Variants in PCDHA4 observed in about 807,000 individuals in gnomAD.
PCDHA4 encodes the protein protocadherin alpha 4, also known as protocadherin alpha-4.
PCDHA4 carries 49 observed loss-of-function variants against 61.4 expected under a neutral mutation model. That is an observed-to-expected ratio of 0.80 (90% CI 0.63 to 1.01). The LOEUF (loss-of-function observed/expected upper bound fraction) is 1.01, where lower values mean the gene tolerates loss of function less well. Among genes scored for constraint, PCDHA4 ranks in the 50% least tolerant of loss-of-function variants. The pLI is 0.00. For missense variants in PCDHA4, 1,254 were observed against 1,235.8 expected (o/e 1.01, Z -0.22); for synonymous variants, 590 against 550.3 (o/e 1.07, Z -1.01).
rs1554231789 is a variant in PCDHA4 at position 140,969,430 on chromosome 5, A to G, written c.2386-9519A>G. ...CTTTATTGAGTCATTAACAGTGACAAGAGTTATCTGGTAAACTGAGTATAT... is the reference window on the plus strand; with the variant it reads ...CTTTATTGAGTCATTAACAGTGACAGGAGTTATCTGGTAAACTGAGTATAT... On this transcript the variant is annotated intron_variant, in intron 1 of 3. Transcript: ENST00000530339. The G allele has an allele frequency of 1.2e-5, 19 of 1,554,588 alleles. 1 individual carries two copies. The Admixed American group carries it at 3.5e-4, about 29-fold the overall frequency.
At chr5:140,841,736 A>G in intron 1 of PCDHA4, 1 of 1,613,716 alleles carries the variant, frequency 6.2e-7, no homozygotes, top group Non-Finnish European at 8.5e-7. Context: ...AAAAGACCAA[A>G]AGCTGTTTGT....
At chr5:140,912,010 G>A (rs1208180595) in intron 1 of PCDHA4, among the ~76,000 whole-genome samples, 1 of 152,202 alleles carries the variant, frequency 6.6e-6, no homozygotes. Flanking sequence ...CCATCTGCAA[G>A]CTGAGGAGCA....
At chr5:140,964,009 A>G (rs1435043905) in intron 1 of PCDHA4, among the ~76,000 whole-genome samples, 1 of 152,160 alleles carries the variant, frequency 6.6e-6, no homozygotes, top group Non-Finnish European at 1.5e-5. Context: ...CTACTTTTTA[A>G]TAGAGAGCTC....
rs552289184 is a variant in PCDHA4, at chr5:140,942,884, T to C, written c.2386-36065T>C. 7.9e-5 allele frequency among the ~76,000 whole-genome samples: 12 copies of C among 152,178 alleles called. No individual in the cohort carries two copies. In the East Asian group the frequency reaches 2.3e-3, roughly 29 times the overall value. ...TGCTTTAGCATGACAACTTTTTTCC[T>C]AAAATTTATCTCTAAGAATAAGCGT... On this transcript the variant is annotated intron_variant, in intron 1 of 3. Transcript: ENST00000530339.
rs147440301 is a variant in PCDHA4, at chr5:140,924,523, G to A, written c.2386-54426G>A. On this transcript the variant is annotated intron_variant, in intron 1 of 3. Transcript: ENST00000530339. ...AATCCCACTCTTAGTGTTAAAAAGA[G>A]AATGCCCGAGCTACCCCTCTCCCCA... is the stretch of plus-strand genomic sequence containing the variant. Among the ~76,000 whole-genome samples, 1,224 of 152,202 alleles carry A rather than the reference G, an allele frequency of 8.0e-3. 6 individuals carry two copies. The highest frequency in any genetic ancestry group is 0.019 in the African/African-American group (791 of 41,530).
intron 1 of PCDHA4, chr5:140,815,377 T>C (rs1765709117): frequency 6.6e-6 from 1 of 152,104 alleles, no homozygotes; most frequent in South Asian, 2.1e-4. Flanking sequence ...TCTTTGTGGT[T>C]ACCATGGGGC....
At chr5:140,913,857 T>C (rs1374392004) in intron 1 of PCDHA4, among the ~76,000 whole-genome samples, 3 of 152,208 alleles carry the variant, frequency 2.0e-5, no homozygotes, top group Admixed American at 6.5e-5. Context: ...CAGGAGCATA[T>C]TGTTTAATTT....
chr5:140,993,934 C>T (rs936977793), intron 3 of PCDHA4, among the ~76,000 whole-genome samples: 5 of 152,044 alleles, frequency 3.3e-5, no homozygotes, highest in African/African-American at 1.2e-4. Context: ...AGAACATATC[C>T]CCATTGTTAA....
intron 3 of PCDHA4, among the ~76,000 whole-genome samples, chr5:140,987,478 T>A (rs2097255782): frequency 6.6e-6 from 1 of 152,104 alleles, no homozygotes. Flanking sequence ...AGCTTGGGAG[T>A]CAGTGACCCT....
At chr5:140,889,144 A>G (rs2062119546) in intron 1 of PCDHA4, among the ~76,000 whole-genome samples, 1 of 151,794 alleles carries the variant, frequency 6.6e-6, no homozygotes, top group African/African-American at 2.4e-5. Flanking sequence ...TTTTCTTCCT[A>G]ATTTCTTCTT....
In PCDHA4 at chr5:140,849,585, C is replaced by A. The variant is rs147876741; in HGVS notation, c.2385+40013C>A. 8 of 1,598,624 alleles carry A rather than the reference C, an allele frequency of 5.0e-6. No homozygotes were observed. Among genetic ancestry groups the A allele is most frequent in the Admixed American group, 3.4e-5 (2 of 59,262 alleles). ...CTCGGTTCCTGTAAAAGAGGACGCA[C>A]AACTGGGGACAGTTATTGCCCTGAT... is the stretch of plus-strand genomic sequence containing the variant. On this transcript the variant is annotated intron_variant, in intron 1 of 3. Transcript: ENST00000530339.
intron 1 of PCDHA4, among the ~76,000 whole-genome samples, chr5:140,905,490 T>C (rs1256863992): frequency 1.3e-5 from 2 of 152,224 alleles, no homozygotes; most frequent in African/African-American, 4.8e-5. Context: ...TTTCTTCTTT[T>C]TGTTTTGTAT....
chr5:140,822,930 C>T, intron 1 of PCDHA4: 10 of 1,614,266 alleles, frequency 6.2e-6, no homozygotes, highest in Non-Finnish European at 7.6e-6. Flanking sequence ...GGCAGGTGAC[C>T]TGCTCCCTAA....
At chr5:140,841,755 C>A (rs2150322270) in intron 1 of PCDHA4, 2 of 1,613,886 alleles carry the variant, frequency 1.2e-6, no homozygotes, top group South Asian at 2.2e-5. Context: ...GTTTCAGAAT[C>A]CAGAATGCCA....
chr5:140,918,072 T>C (rs1271495774), intron 1 of PCDHA4, among the ~76,000 whole-genome samples: 1 of 152,142 alleles, frequency 6.6e-6, no homozygotes, highest in Non-Finnish European at 1.5e-5. Flanking sequence ...TTTCTTTCAG[T>C]AGTGTTTTAT....
At chr5:140,966,642 G>C (rs897727830) in intron 1 of PCDHA4, 15 of 1,117,790 alleles carry the variant, frequency 1.3e-5, no homozygotes, top group Non-Finnish European at 1.8e-5. Context: ...GCGCTTTCTA[G>C]AGCGTGAGCG....
intron 1 of PCDHA4, among the ~76,000 whole-genome samples, chr5:140,921,897 A>G (rs1414353237): frequency 2.0e-5 from 3 of 152,124 alleles, no homozygotes; most frequent in Non-Finnish European, 2.9e-5. Flanking sequence ...AAAGGAGGAT[A>G]AATATATATT....
intron 1 of PCDHA4, chr5:140,870,541 G>A: frequency 1.2e-6 from 2 of 1,614,136 alleles, no homozygotes; most frequent in Non-Finnish European, 8.5e-7. Flanking sequence ...GTCGGCGCGG[G>A]ACGCGGACGC....
chr5:140,883,445 G>A, intron 1 of PCDHA4: 1 of 1,614,164 alleles, frequency 6.2e-7, no homozygotes, highest in South Asian at 1.1e-5. Flanking sequence ...GACGCCGCAT[G>A]TCCCCTTCAA....
Sources: gnomAD v4.1 joint callset for allele counts (sites outside exome capture counted in the v4.1 genomes callset) on GRCh38, gnomAD v4.1.1 for gene constraint, MANE v1.5 for transcripts, NCBI Gene and HGNC (gene_info 2026-07-23, HGNC 2026-07-21) for gene names.